CTNNA3: variants seen among roughly 807,000 people sequenced by gnomAD.
CTNNA3 encodes catenin alpha-3.
CTNNA3 carries 76 observed loss-of-function variants against 95.7 expected under a neutral mutation model. The observed-to-expected ratio is 0.79, with a 90% CI of 0.66 to 0.96. The LOEUF (loss-of-function observed/expected upper bound fraction) is 0.96. Ranked by LOEUF, CTNNA3 falls within the 40% of genes least tolerant of loss-of-function variation. CTNNA3 has a pLI of 0.00. For synonymous variants in CTNNA3, 431 were observed against 374.4 expected (o/e 1.15, Z -1.74); for missense variants, 1,191 against 1,089.8 (o/e 1.09, Z -1.31).
chr10:66,607,828 A>T (rs139601016), intron 10 of CTNNA3, among the ~76,000 whole-genome samples: 46 of 152,250 alleles, frequency 3.0e-4, no homozygotes, highest in South Asian at 6.2e-4. Flanking sequence ...TATGACAAAC[A>T]CACAGTCAAC....
At chr10:67,013,232 A>G (rs1009767408) in intron 7 of CTNNA3, among the ~76,000 whole-genome samples, 2 of 151,836 alleles carry the variant, frequency 1.3e-5, no homozygotes, top group Middle Eastern at 6.8e-3. Context: ...GTCTGTCCTT[A>G]ATACTCTATT....
chr10:66,361,339 CTCCT>C (rs1372134934), intron 12 of CTNNA3, among the ~76,000 whole-genome samples: 2 of 138,126 alleles, frequency 1.4e-5, no homozygotes, highest in Non-Finnish European at 3.2e-5. Flanking sequence ...CCCTCCCTCC[CTCCT>C]TTCCTTCTTT....
At chr10:66,267,318 G>A (rs538011833) in intron 13 of CTNNA3, among the ~76,000 whole-genome samples, 101 of 152,024 alleles carry the variant, frequency 6.6e-4, no homozygotes, top group Non-Finnish European at 1.1e-3. Flanking sequence ...CTTGACCTCC[G>A]TATCCTTGCA....
chr10:67,534,176 G>A (rs1283577870), intron 4 of CTNNA3, among the ~76,000 whole-genome samples: 2 of 151,830 alleles, frequency 1.3e-5, no homozygotes, highest in African/African-American at 4.8e-5. Context: ...CCTCTGTTTT[G>A]GGGGAAAAAA....
At chr10:66,684,386 C>T (rs1314914474) in intron 9 of CTNNA3, among the ~76,000 whole-genome samples, 1 of 152,036 alleles carries the variant, frequency 6.6e-6, no homozygotes, top group Non-Finnish European at 1.5e-5. Context: ...TAAAATGGGA[C>T]CTAATCATTC....
intron 13 of CTNNA3, among the ~76,000 whole-genome samples, chr10:66,128,547 C>T (rs1217252356): frequency 3.3e-5 from 5 of 151,942 alleles, no homozygotes; most frequent in African/African-American, 9.7e-5. Context: ...AAAAGCCAGT[C>T]GGAAAAGGCT....
intron 7 of CTNNA3, among the ~76,000 whole-genome samples, chr10:67,022,414 T>C (rs988241871): frequency 2.0e-5 from 3 of 151,808 alleles, no homozygotes; most frequent in African/African-American, 4.8e-5. Flanking sequence ...AAAAGGAAAA[T>C]TGGGAAAACA....
intron 5 of CTNNA3, among the ~76,000 whole-genome samples, chr10:67,491,511 C>A (rs1218510577): frequency 6.6e-6 from 1 of 152,082 alleles, no homozygotes; most frequent in African/African-American, 2.4e-5. Flanking sequence ...CAAGTAAGAG[C>A]CAGATCAGAA....
intron 11 of CTNNA3, among the ~76,000 whole-genome samples, chr10:66,513,954 CG>C (rs1840750937): frequency 6.6e-6 from 1 of 151,440 alleles, no homozygotes; most frequent in South Asian, 2.1e-4. Flanking sequence ...GGGATGGTGT[CG>C]GGGGATGTAG....
rs150653089 is a variant in CTNNA3 at position 67,583,792 on chromosome 10, G to A, written c.292+23065C>T. Reference sequence around the variant, plus strand: ...CTTTTTTCTCTAAACTTCTCTTCTCGCTTCGTTTAATTCATTTGATCTTCA... The same window carrying A: ...CTTTTTTCTCTAAACTTCTCTTCTCACTTCGTTTAATTCATTTGATCTTCA... On this transcript the variant is annotated intron_variant, in intron 3 of 17. Transcript: ENST00000433211. Among the ~76,000 whole-genome samples, 1,707 of 151,936 alleles carry A rather than the reference G, an allele frequency of 0.011. 93 individuals carry two copies. The East Asian group carries it at 0.15, about 14-fold the overall frequency.
chr10:67,027,466 G>A (rs1589626050), intron 7 of CTNNA3, among the ~76,000 whole-genome samples: 4 of 126,176 alleles, frequency 3.2e-5, no homozygotes, highest in Non-Finnish European at 4.7e-5. Context: ...ACACAGTCTC[G>A]CTCTGTCACC....
intron 7 of CTNNA3, among the ~76,000 whole-genome samples, chr10:66,800,939 A>T (rs923063863): frequency 2.0e-5 from 3 of 151,446 alleles, no homozygotes; most frequent in Admixed American, 2.0e-4. Flanking sequence ...ATGAAAACAG[A>T]TGAAAAACAT....
intron 9 of CTNNA3, among the ~76,000 whole-genome samples, chr10:66,672,718 T>A (rs1317251771): frequency 6.6e-6 from 1 of 152,026 alleles, no homozygotes; most frequent in Non-Finnish European, 1.5e-5. Flanking sequence ...CACATCTGCT[T>A]TTCTCCACCC....
chr10:66,133,395 A>G (rs537659183), intron 13 of CTNNA3, among the ~76,000 whole-genome samples: 3 of 152,090 alleles, frequency 2.0e-5, no homozygotes, highest in South Asian at 2.1e-4. Context: ...GCCGCCTGTC[A>G]TCCCAGCTAT....
chr10:66,318,051 T>A (rs552303817), intron 12 of CTNNA3, among the ~76,000 whole-genome samples: 1 of 152,206 alleles, frequency 6.6e-6, no homozygotes, highest in South Asian at 2.1e-4. Context: ...TTGAAAGTTT[T>A]AAAATAACCT....
intron 4 of CTNNA3, among the ~76,000 whole-genome samples, chr10:67,526,625 A>T (rs1840153647): frequency 6.6e-6 from 1 of 152,216 alleles, no homozygotes; most frequent in East Asian, 1.9e-4. Flanking sequence ...TTGAGGAAAA[A>T]TAAAAGACAT....
At chr10:67,561,482 CA>C (rs1232322424) in intron 3 of CTNNA3, among the ~76,000 whole-genome samples, 4 of 125,622 alleles carry the variant, frequency 3.2e-5, no homozygotes, top group Non-Finnish European at 6.5e-5. Context: ...GGGACACATT[CA>C]AAGCAGTGTG....
intron 9 of CTNNA3, among the ~76,000 whole-genome samples, chr10:66,705,583 G>A (rs1248225622): frequency 6.6e-6 from 1 of 151,894 alleles, no homozygotes; most frequent in Non-Finnish European, 1.5e-5. Flanking sequence ...TAATATTTTG[G>A]TTTGAATGTT....
At chr10:67,256,846 C>T (rs1266370386) in intron 5 of CTNNA3, among the ~76,000 whole-genome samples, 1 of 151,958 alleles carries the variant, frequency 6.6e-6, no homozygotes, top group Non-Finnish European at 1.5e-5. Flanking sequence ...ATTAAAAATA[C>T]CCAGTGGTAC....
Sources: gnomAD v4.1 joint callset for allele counts (sites outside exome capture counted in the v4.1 genomes callset) on GRCh38, gnomAD v4.1.1 for gene constraint, MANE v1.5 for transcripts, NCBI Gene and HGNC (gene_info 2026-07-23, HGNC 2026-07-21) for gene names.